SLC30A10: variants seen among roughly 807,000 people sequenced by gnomAD.
SLC30A10 encodes the protein solute carrier family 30 member 10.
Under a neutral mutation model 21.7 loss-of-function variants are expected in SLC30A10, and 8 were observed. The ratio of observed to expected loss-of-function variants is 0.37; its 90% confidence interval spans 0.22 to 0.67. The LOEUF (loss-of-function observed/expected upper bound fraction) is 0.67, where lower values mean the gene tolerates loss of function less well. Among genes scored for constraint, SLC30A10 ranks in the 30% least tolerant of loss-of-function variants. The probability of loss-of-function intolerance (pLI) is 0.58; values close to 1 mark genes in which losing one functional copy is unlikely to be tolerated. For synonymous variants in SLC30A10, 272 were observed against 279.4 expected (o/e 0.97, Z 0.26); for missense variants, 521 against 642.5 (o/e 0.81, Z 2.04).
In SLC30A10 at chr1:219,913,276, ACTGT is replaced by A. The variant is rs1323712902; in HGVS notation, c.*2169_*2172del. On this transcript the variant is annotated 3_prime_UTR_variant, in exon 4 of 4. Transcript: ENST00000366926. ...TGACTCCAGGCCATAATCTGGTATAACTGTCTATCAAGATACTTTTCTGAAGTTA... is the reference window on the plus strand; with the variant it reads ...TGACTCCAGGCCATAATCTGGTATAACTATCAAGATACTTTTCTGAAGTTA... 6.6e-6 allele frequency among the ~76,000 whole-genome samples: 1 copy of A among 152,250 alleles called. No homozygotes were observed. The highest frequency in any genetic ancestry group is 1.5e-5 in the Non-Finnish European group (1 of 68,050).
At chr1:219,927,716 AAG>A in intron 1 of SLC30A10, 83 bp downstream of exon 1, 2 of 1,228,830 alleles carry the variant, frequency 1.6e-6, no homozygotes, top group South Asian at 4.7e-5. Flanking sequence ...GCAGAAGAAA[AAG>A]AGGGCGTGGG....
intron 1 of SLC30A10, among the ~76,000 whole-genome samples, chr1:219,958,057 T>C (rs978672198): frequency 6.6e-6 from 1 of 152,214 alleles, no homozygotes; most frequent in Non-Finnish European, 1.5e-5. Context: ...TTACATACCA[T>C]TCCTCAAATA....
chr1:219,950,676 G>A (rs748529504), intron 1 of SLC30A10, among the ~76,000 whole-genome samples: 6 of 152,068 alleles, frequency 3.9e-5, no homozygotes, highest in Non-Finnish European at 7.4e-5. Context: ...TAGGCTGGGC[G>A]TGTTGGCTCA....
intron 1 of SLC30A10, among the ~76,000 whole-genome samples, chr1:219,949,458 G>A (rs1023932633): frequency 1.3e-5 from 2 of 152,028 alleles, no homozygotes; most frequent in African/African-American, 4.8e-5. Flanking sequence ...TCCTTTGTAG[G>A]GACATGAATG....
intron 1 of SLC30A10, among the ~76,000 whole-genome samples, chr1:219,946,953 G>A (rs1212638793): frequency 1.3e-5 from 2 of 152,158 alleles, no homozygotes; most frequent in Non-Finnish European, 2.9e-5. Context: ...GTGCTCAACT[G>A]GCTCTGGTCA....
chr1:219,917,676 C>T (rs577917042), intron 3 of SLC30A10, among the ~76,000 whole-genome samples: 25 of 145,368 alleles, frequency 1.7e-4, no homozygotes, highest in African/African-American at 6.6e-4. Context: ...AGGTATTATC[C>T]AAGCATTGCA....
At chr1:219,958,170 A>G (rs1660377394) in intron 1 of SLC30A10, among the ~76,000 whole-genome samples, 1 of 150,440 alleles carries the variant, frequency 6.6e-6, no homozygotes. Flanking sequence ...GGAGACATTA[A>G]CTTTTTTTTA....
chr1:219,928,724 T>G (rs577143103), upstream of SLC30A10: 2 of 374,004 alleles, frequency 5.3e-6, no homozygotes, highest in East Asian at 1.0e-4. The surrounding 1 kb of genome is among the most constrained non-coding windows in gnomAD (Gnocchi z 6.3). Flanking sequence ...ACTTGGCAGG[T>G]GGCCACGAGC....
intron 1 of SLC30A10, among the ~76,000 whole-genome samples, chr1:219,941,887 C>A (rs1660128181): frequency 6.6e-6 from 1 of 152,176 alleles, no homozygotes; most frequent in South Asian, 2.1e-4. Flanking sequence ...GATAGGAAAA[C>A]TTGGTGCCAT....
intron 1 of SLC30A10, among the ~76,000 whole-genome samples, chr1:219,945,283 G>A (rs1000555340): frequency 5.3e-5 from 8 of 152,140 alleles, no homozygotes; most frequent in African/African-American, 7.2e-5. Flanking sequence ...CAAAAATCTC[G>A]TAGAATTATA....
intron 1 of SLC30A10, among the ~76,000 whole-genome samples, chr1:219,945,734 C>T (rs796529529): frequency 7.2e-5 from 11 of 152,128 alleles, no homozygotes; most frequent in African/African-American, 2.7e-4. Context: ...GGATTTAATC[C>T]CCAGATGGGA....
chr1:219,922,697 G>C (rs1659726249), intron 2 of SLC30A10, among the ~76,000 whole-genome samples: 1 of 152,154 alleles, frequency 6.6e-6, no homozygotes, highest in Non-Finnish European at 1.5e-5. Context: ...GGCTAGTTCT[G>C]TAGAGTATGT....
intron 2 of SLC30A10, among the ~76,000 whole-genome samples, chr1:219,925,654 T>TTC (rs1659803538): frequency 1.2e-5 from 1 of 83,928 alleles, no homozygotes; most frequent in Non-Finnish European, 2.4e-5. Context: ...TATATATATT[T>TTC]TTTTTTTTTT....
intron 1 of SLC30A10, among the ~76,000 whole-genome samples, chr1:219,956,733 C>G (rs570757163): frequency 1.3e-5 from 2 of 151,466 alleles, no homozygotes; most frequent in African/African-American, 4.8e-5. Flanking sequence ...TGTCTTAAGC[C>G]TCTTGTTATC....
At chr1:219,919,471 G>A (rs994817148) in intron 2 of SLC30A10, among the ~76,000 whole-genome samples, 9 of 151,968 alleles carry the variant, frequency 5.9e-5, no homozygotes, top group South Asian at 2.1e-4. Flanking sequence ...CTGAACCTGC[G>A]TTTTAAAAAG....
In SLC30A10 at chr1:219,915,739, G is replaced by T. The variant is rs762014945; in HGVS notation, c.1168C>A (p.Pro390Thr). 6.2e-7 allele frequency: 1 copy of T among 1,614,200 alleles called. No homozygotes were observed. The highest frequency in any genetic ancestry group is 8.5e-7 in the Non-Finnish European group (1 of 1,180,038). The change falls in exon 4 of 4, where the codon CCC becomes ACC. Residue 390 changes from proline (P) to threonine (T), a missense_variant. Physicochemically the swap from Pro to Thr is conservative, Grantham distance 38 (BLOSUM62 -1). Coordinates refer to ENST00000366926, the MANE Select transcript of SLC30A10 (RefSeq NM_018713.3). The stretch of plus-strand genomic sequence containing the variant: ...AACAGTAAGTCCTTCTGCTCCAGGG[G>T]TTCCTTCAAGTCCACATTTTCAAAC... ...IQFENVDLKE[P>T]LEQKDLLLLC... is the part of the protein sequence containing the mutation.
chr1:219,947,239 A>G (rs961112109), intron 1 of SLC30A10, among the ~76,000 whole-genome samples: 1 of 152,180 alleles, frequency 6.6e-6, no homozygotes, highest in Non-Finnish European at 1.5e-5. Context: ...TTTATCAAAA[A>G]CTACATCCTC....
At chr1:219,937,908 A>G (rs1035851479) in intron 1 of SLC30A10, among the ~76,000 whole-genome samples, 1 of 152,138 alleles carries the variant, frequency 6.6e-6, no homozygotes, top group Admixed American at 6.6e-5. Context: ...ACTGCTTCCT[A>G]TATGAGTTTC....
upstream of SLC30A10, among the ~76,000 whole-genome samples, chr1:219,931,964 C>T (rs1694588): frequency 0.06 from 9,109 of 152,176 alleles, 912 homozygotes; most frequent in African/African-American, 0.21. Flanking sequence ...TTACCCAAGA[C>T]CACACAAGCT....
Sources: allele counts gnomAD v4.1 joint callset (sites outside exome capture counted in the v4.1 genomes callset), GRCh38; gene constraint gnomAD v4.1.1; non-coding constraint Gnocchi (gnomAD v3.1); transcripts MANE v1.5; gene names NCBI Gene and HGNC (gene_info 2026-07-23, HGNC 2026-07-21).